NRXN1: variants seen among roughly 807,000 people sequenced by gnomAD.
NRXN1 encodes neurexin-1.
NRXN1 carries 39 observed loss-of-function variants against 150.9 expected under a neutral mutation model. The observed-to-expected ratio is 0.26, with a 90% CI of 0.20 to 0.34. The LOEUF is 0.34. Ranked by LOEUF, NRXN1 falls within the 10% of genes least tolerant of loss-of-function variation. The pLI, the probability that NRXN1 is intolerant of heterozygous loss-of-function variation, is 1.00. For synonymous variants in NRXN1, 924 were observed against 757.0 expected (o/e 1.22, Z -3.62); for missense variants, 1,815 against 1,949.9 (o/e 0.93, Z 1.30).
intron 17 of NRXN1, among the ~76,000 whole-genome samples, chr2:50,301,945 T>C (rs1324656983): frequency 6.6e-6 from 1 of 152,168 alleles, no homozygotes; most frequent in Non-Finnish European, 1.5e-5. Context: ...AAAGATCTCT[T>C]TTGTGTTCTT....
intron 5 of NRXN1, among the ~76,000 whole-genome samples, chr2:50,894,393 T>C (rs1453075189): frequency 6.6e-6 from 1 of 151,314 alleles, no homozygotes; most frequent in Non-Finnish European, 1.5e-5. Context: ...TGTCAATTAA[T>C]TGTTCTTCAC....
At chr2:50,601,454 T>C (rs1346951582) in intron 8 of NRXN1, among the ~76,000 whole-genome samples, 2 of 152,200 alleles carry the variant, frequency 1.3e-5, no homozygotes, top group Admixed American at 6.6e-5. Flanking sequence ...TGATGAATTA[T>C]GTCATTCGAG....
rs1375865789 is a variant in NRXN1 at position 50,497,700 on chromosome 2, C to T, written c.2512G>A (p.Asp838Asn). 6.2e-7 allele frequency: 1 copy of T among 1,609,664 alleles called. No individual in the cohort carries two copies. The highest frequency in any genetic ancestry group is 2.2e-5 in the East Asian group (1 of 44,812). ...QQAMTGQMAG[D>N]HTRLEFHNIE... ...TTATGGAACTCCAGCCTAGTATGATCACCTGCCATTTGACCTAAAAGAGAA... is the reference window on the plus strand; with the variant it reads ...TTATGGAACTCCAGCCTAGTATGATTACCTGCCATTTGACCTAAAAGAGAA... Residue 838 changes from aspartate (D) to asparagine (N), a missense_variant, in exon 14 of 23, where the codon GAT becomes AAT. Asp to Asn is a conservative substitution (Grantham distance 23). Around this residue, in one of 6 missense-constraint regions of NRXN1, gnomAD observed 638 missense variants for 652.6 expected, o/e 0.98. Transcript: ENST00000401669.
intron 17 of NRXN1, among the ~76,000 whole-genome samples, chr2:50,423,731 A>G (rs1003952820): frequency 3.9e-5 from 6 of 152,100 alleles, no homozygotes; most frequent in Non-Finnish European, 8.8e-5. Flanking sequence ...GACACATGAT[A>G]AAGCATCAGA....
At chr2:50,811,508 T>C (rs1454305201) in intron 5 of NRXN1, among the ~76,000 whole-genome samples, 3 of 152,196 alleles carry the variant, frequency 2.0e-5, no homozygotes, top group African/African-American at 7.2e-5. Context: ...TTTTGTTTTT[T>C]GATTTTGTTT....
chr2:50,289,825 G>C (rs1191130206), intron 17 of NRXN1, among the ~76,000 whole-genome samples: 2 of 152,024 alleles, frequency 1.3e-5, no homozygotes, highest in African/African-American at 4.8e-5. Flanking sequence ...TGCACAGGAA[G>C]GAAATATGAT....
chr2:50,877,385 T>C (rs1678762093), intron 5 of NRXN1, among the ~76,000 whole-genome samples: 1 of 151,912 alleles, frequency 6.6e-6, no homozygotes, highest in Non-Finnish European at 1.5e-5. Context: ...GTAAGGAGAT[T>C]AGTTGCAGGG....
At chr2:50,936,589 G>T (rs903863063) in intron 2 of NRXN1, among the ~76,000 whole-genome samples, 1 of 152,110 alleles carries the variant, frequency 6.6e-6, no homozygotes, top group Non-Finnish European at 1.5e-5. Flanking sequence ...GCTATCTAAA[G>T]TAAACTATGC....
intron 5 of NRXN1, among the ~76,000 whole-genome samples, chr2:50,693,993 A>G (rs1692440607): frequency 6.6e-6 from 1 of 152,036 alleles, no homozygotes; most frequent in African/African-American, 2.4e-5. Context: ...GGGTCTTCCT[A>G]TGCTGTCCAG....
chr2:50,963,969 T>C (rs1213606078), intron 2 of NRXN1: 2 of 442,260 alleles, frequency 4.5e-6, no homozygotes, highest in African/African-American at 4.0e-5. Context: ...AATACAAACA[T>C]ATGTCATTGT....
intron 17 of NRXN1, among the ~76,000 whole-genome samples, chr2:50,323,863 G>A (rs569259126): frequency 6.6e-6 from 1 of 152,080 alleles, no homozygotes; most frequent in African/African-American, 2.4e-5. Context: ...TAACAAAAGT[G>A]GATCAAACAA....
intron 8 of NRXN1, among the ~76,000 whole-genome samples, chr2:50,564,215 A>G (rs1669523466): frequency 6.6e-6 from 1 of 152,208 alleles, no homozygotes; most frequent in South Asian, 2.1e-4. Context: ...TTATTTTGCA[A>G]TGTTATTTAA....
chr2:50,328,175 C>T (rs1456550413), intron 17 of NRXN1, among the ~76,000 whole-genome samples: 7 of 151,912 alleles, frequency 4.6e-5, no homozygotes, highest in Admixed American at 1.3e-4. Context: ...AACACACATT[C>T]GTAAACTTCC....
In NRXN1 at chr2:50,295,870, G is replaced by A. The variant is rs183561696; in HGVS notation, c.3365-58900C>T. Among the ~76,000 whole-genome samples, 620 of 152,312 alleles carry A rather than the reference G, an allele frequency of 4.1e-3. 3 individuals carry two copies. Among genetic ancestry groups the A allele is most frequent in the Admixed American group, 6.5e-3 (99 of 15,292 alleles). On this transcript the variant is annotated intron_variant, in intron 17 of 22. Transcript: ENST00000401669. ...TTTTACTGCACTGAAAGACAATTGG[G>A]AGAGAGGACAAACCACTACTTACCT...
At chr2:50,680,237 C>T (rs1463751308) in intron 5 of NRXN1, among the ~76,000 whole-genome samples, 4 of 151,914 alleles carry the variant, frequency 2.6e-5, no homozygotes, top group Non-Finnish European at 4.4e-5. Context: ...TATAATATAT[C>T]TGATGCCTGT....
intron 18 of NRXN1, among the ~76,000 whole-genome samples, chr2:50,102,630 TC>T (rs1401371214): frequency 6.6e-6 from 1 of 152,068 alleles, no homozygotes; most frequent in Non-Finnish European, 1.5e-5. Context: ...ATGCTAAGTT[TC>T]AAGAAGGCAA....
chr2:50,217,079 G>A (rs2063453651), intron 18 of NRXN1, among the ~76,000 whole-genome samples: 1 of 152,012 alleles, frequency 6.6e-6, no homozygotes, highest in Non-Finnish European at 1.5e-5. Context: ...CAAGACACTA[G>A]TGAAGATTAA....
At chr2:50,234,459 A>C (rs192256253) in intron 18 of NRXN1, among the ~76,000 whole-genome samples, 2 of 152,038 alleles carry the variant, frequency 1.3e-5, no homozygotes, top group Non-Finnish European at 2.9e-5. Flanking sequence ...GCATCATTGC[A>C]CTCCAGCCTG....
At chr2:50,893,423 G>A (rs1377581518) in intron 5 of NRXN1, among the ~76,000 whole-genome samples, 1 of 152,050 alleles carries the variant, frequency 6.6e-6, no homozygotes, top group South Asian at 2.1e-4. Flanking sequence ...TAATGAGAAC[G>A]TCAATATATA....
Sources: gnomAD v4.1 joint callset for allele counts (sites outside exome capture counted in the v4.1 genomes callset) on GRCh38, gnomAD v4.1.1 for gene constraint, gnomAD v4.1.1 regional missense constraint, MANE v1.5 for transcripts, NCBI Gene and HGNC (gene_info 2026-07-23, HGNC 2026-07-21) for gene names.